ATG9B: variants seen among roughly 807,000 people sequenced by gnomAD.
ATG9B encodes the protein autophagy related 9B, also known as autophagy-related protein 9B.
ATG9B carries 92 observed loss-of-function variants against 92.9 expected under a neutral mutation model. That is an observed-to-expected ratio of 0.99 (90% CI 0.84 to 1.18). The LOEUF (loss-of-function observed/expected upper bound fraction) is 1.18. ATG9B is among the 50% of genes most tolerant of loss of function. The probability of loss-of-function intolerance (pLI) is 0.00; values close to 1 mark genes in which losing one functional copy is unlikely to be tolerated. For synonymous variants in ATG9B, 599 were observed against 551.4 expected (o/e 1.09, Z -1.21); for missense variants, 1,344 against 1,235.0 (o/e 1.09, Z -1.32).
At position 151,017,901 on chromosome 7, in the gene ATG9B, A is replaced by G. The variant is rs1319031879; in HGVS notation, c.2022T>C (p.Leu674=). 6.2e-7 allele frequency: 1 copy of G among 1,610,302 alleles called. No homozygotes were observed. ...GGTGTCCGTGGCGCTTCACATCCAT[A>G]AGGGCAAAGGAACAGATGTCCCCAA... ...AGVGDICSFA[L]MDVKRHGHPQ... The change falls in exon 8 of 14, where the codon CTT becomes CTC. Residue 674 remains leucine, a synonymous_variant. Coordinates refer to ENST00000639579, the MANE Select transcript of ATG9B (RefSeq NM_001317056.2).
chr7:151,012,714 A>C (rs1229804649), downstream of ATG9B: 4 of 462,246 alleles, frequency 8.7e-6, no homozygotes, highest in Non-Finnish European at 1.6e-5. Context: ...AGGAAAATAG[A>C]ATTTTCAAAG....
At chr7:151,022,382 T>C (rs1012742460) in intron 4 of ATG9B, among the ~76,000 whole-genome samples, 1 of 126,180 alleles carries the variant, frequency 7.9e-6, no homozygotes, top group South Asian at 2.2e-4. Flanking sequence ...GCAATCCTCC[T>C]GCCTCAGCCT....
chr7:151,013,942 G>A, downstream of ATG9B: 1 of 1,600,562 alleles, frequency 6.2e-7, no homozygotes, highest in Non-Finnish European at 8.5e-7. Flanking sequence ...GGCCGGGCCT[G>A]AGCGTGCGGG....
At chr7:151,019,494 C>T (rs1412189443) in intron 5 of ATG9B, 120 bp from the exon 6 acceptor site, 2 of 1,325,036 alleles carry the variant, frequency 1.5e-6, no homozygotes, top group Admixed American at 3.1e-5. Context: ...ATCACAAACT[C>T]GCCATGACCA....
At position 151,023,220 on chromosome 7, in the gene ATG9B, G is replaced by C. The variant is rs897435111; in HGVS notation, c.660-14C>G. On this transcript the variant is annotated splice_polypyrimidine_tract_variant and intron_variant, in intron 3 of 13. Transcript: ENST00000639579. The stretch of plus-strand genomic sequence containing the variant: ...AAAATAAATTGTCTGCCGGGAGGAA[G>C]GGGGGGTGCCGGGATGCTGCAGTGA... 3.7e-6 allele frequency: 6 copies of C among 1,612,920 alleles called. No individual in the cohort carries two copies. The African/African-American group carries it at 6.7e-5, about 18-fold the overall frequency.
downstream of ATG9B, chr7:151,014,974 A>C (rs1795421546): frequency 6.6e-6 from 1 of 152,154 alleles, no homozygotes. Context: ...GTGGTGGGGA[A>C]AGGGGTCATT....
chr7:151,022,682 C>G (rs1157878959), intron 4 of ATG9B, among the ~76,000 whole-genome samples: 1 of 151,638 alleles, frequency 6.6e-6, no homozygotes, highest in Admixed American at 6.6e-5. Flanking sequence ...AACCCTGTCT[C>G]TACTAAAAAT....
At chr7:151,014,126 C>T, downstream of ATG9B, 1 of 1,612,326 alleles carries the variant, frequency 6.2e-7, no homozygotes, top group Non-Finnish European at 8.5e-7. Context: ...GGCGCAGTGC[C>T]CTGGGCGTTC....
Position 151,018,870 on chromosome 7 carries a change from G to T in ATG9B, c.1468C>A (p.Arg490Ser). 1 of 1,364,670 alleles carries T rather than the reference G, an allele frequency of 7.3e-7. No homozygotes were observed. Among genetic ancestry groups the T allele is most frequent in the Middle Eastern group, 2.4e-4 (1 of 4,212 alleles). The allele number at this position is 1,364,670 out of a possible 1,614,324, so 84.5% of individuals were successfully genotyped here. A position where few individuals can be genotyped will look rare whatever the true frequency, so the allele number is the denominator to read the frequency against. ...TCGTGCGGCAGCTCGTTGAAGTGGC[G>T]CAGCTGCAAGCGCGCCAGGCGGGAC... is the stretch of plus-strand genomic sequence containing the variant. Reference protein sequence around the residue: ...GWSRLARLQLRHFNELPHELR... With the variant: ...GWSRLARLQLSHFNELPHELR... The change falls in exon 6 of 14, where the codon CGC becomes AGC. Residue 490 changes from arginine to serine, a missense_variant. Physicochemically the swap from Arg to Ser is moderately radical, Grantham distance 110 (BLOSUM62 -1). Coordinates refer to ENST00000639579, the MANE Select transcript of ATG9B (RefSeq NM_001317056.2). This position sits in a 1 kb window ranked among gnomAD's most constrained non-coding sequence, Gnocchi z 4.7.
downstream of ATG9B, chr7:151,014,235 G>A (rs1795390032): frequency 1.4e-6 from 2 of 1,470,834 alleles, no homozygotes; most frequent in Admixed American, 4.0e-5. Context: ...GCCCGACCAG[G>A]ATCAGCCCCG....
At chr7:151,014,133 G>C, downstream of ATG9B, 1 of 1,611,012 alleles carries the variant, frequency 6.2e-7, no homozygotes, top group Non-Finnish European at 8.5e-7. Context: ...TGCCCTGGGC[G>C]TTCGACCCTC....
At chr7:151,012,367 C>T (rs1563233840), downstream of ATG9B, 2 of 1,572,690 alleles carry the variant, frequency 1.3e-6, no homozygotes, top group Non-Finnish European at 1.7e-6. Flanking sequence ...CTCCTTCCGG[C>T]TGCCACCCGA....
rs773881475 is a variant in ATG9B, at chr7:151,017,147, C to T, written c.2178G>A (p.Lys726=). 1.9e-6 allele frequency: 3 copies of T among 1,613,042 alleles called. No individual in the cohort carries two copies. The highest frequency in any genetic ancestry group is 1.3e-5 in the African/African-American group (1 of 74,876). ...CTCGGCCCCAGAGGTGCCCAAGAAA[C>T]TTAGAGCTGTGCCCTGGGGGGCGCC... ...PLWRPPGHSS[K]FLGHLWGRVQ... Residue 726 remains lysine, a synonymous_variant, in exon 9 of 14, where the codon AAG becomes AAA. Coordinates refer to ENST00000639579, the MANE Select transcript of ATG9B (RefSeq NM_001317056.2).
At chr7:151,013,090 C>G (rs971482881), downstream of ATG9B, 1 of 902,870 alleles carries the variant, frequency 1.1e-6, no homozygotes, top group African/African-American at 1.7e-5. Context: ...TCTACACTCT[C>G]TTAGAGATGA....
rs1193968365 is a variant in ATG9B at position 151,019,220 on chromosome 7, T to C, written c.1118A>G (p.Asn373Ser). 13 of 1,544,698 alleles carry C rather than the reference T, an allele frequency of 8.4e-6. No homozygotes were observed. Among genetic ancestry groups the C allele is most frequent in the Non-Finnish European group, 1.1e-5 (13 of 1,150,444 alleles). Residue 373 changes from asparagine (N) to serine (S), a missense_variant, in exon 6 of 14, where the codon AAC becomes AGC. Asn to Ser is a conservative substitution (Grantham distance 46). Transcript: ENST00000639579. The stretch of plus-strand genomic sequence containing the variant: ...GCAGCGGGCCGGCAGCAGGCCTTTG[T>C]TGGCCAGCGCCACCTGGTAGTTGGT... ...RYTNYQVALA[N>S]KGLLPARCPL...
In ATG9B at chr7:151,024,213, C is replaced by T. The variant is rs753278109; in HGVS notation, c.211G>A (p.Ala71Thr). 9.7e-6 allele frequency: 14 copies of T among 1,439,772 alleles called. No homozygotes were observed. The highest frequency in any genetic ancestry group is 5.0e-5 in the Admixed American group (2 of 39,792). 89.2% of individuals were successfully genotyped at this position (1,439,772 alleles called of 1,614,324 possible). Residue 71 changes from alanine (A) to threonine (T), a missense_variant, in exon 1 of 14, where the codon GCA (alanine) becomes ACA (threonine). Ala to Thr is a moderately conservative substitution (Grantham distance 58, BLOSUM62 0). Coordinates refer to ENST00000639579, the MANE Select transcript of ATG9B (RefSeq NM_001317056.2). Reference sequence around the variant, plus strand: ...TGTAGCACTGAGCAAGGGGGCCCTGCGGTGGGAGGGGAAAATGAGGAGGGG... The same window carrying T: ...TGTAGCACTGAGCAAGGGGGCCCTGTGGTGGGAGGGGAAAATGAGGAGGGG... ...SSPSSFSPPT[A>T]GPPCSVLQGT...
chr7:151,016,292 C>T (rs1795479578), intron 11 of ATG9B, 57 bp from the exon 12 acceptor site: 4 of 1,475,640 alleles, frequency 2.7e-6, no homozygotes, highest in Non-Finnish European at 3.6e-6. Context: ...GGGCCAAGCA[C>T]CTGGGCTAGA....
At chr7:151,017,527 A>G (rs1795550553) in intron 8 of ATG9B, among the ~76,000 whole-genome samples, 1 of 152,152 alleles carries the variant, frequency 6.6e-6, no homozygotes, top group Non-Finnish European at 1.5e-5. Flanking sequence ...GCCTTGGTCC[A>G]GGCACCAGTC....
chr7:151,018,311 G>C lies in ATG9B; in HGVS notation c.1855C>G (p.Leu619Val). 6.3e-7 allele frequency: 1 copy of C among 1,575,072 alleles called. No homozygotes were observed. The highest frequency in any genetic ancestry group is 8.6e-7 in the Non-Finnish European group (1 of 1,166,836). ...RDRAYRQMAQ[L>V]LQYRAVSLLE... ...ACCCTCACCGCTCGGTACTGCAGCA[G>C]CTGCGCCATCTGCCGGTAGGCGCGG... Residue 619 changes from leucine to valine, a missense_variant, in exon 7 of 14, where the codon CTG (leucine) becomes GTG (valine). Coordinates refer to ENST00000639579, the MANE Select transcript of ATG9B (RefSeq NM_001317056.2). This position sits in a 1 kb window ranked among gnomAD's most constrained non-coding sequence, Gnocchi z 4.7.
Sources: allele counts gnomAD v4.1 joint callset (sites outside exome capture counted in the v4.1 genomes callset), GRCh38; gene constraint gnomAD v4.1.1; non-coding constraint Gnocchi (gnomAD v3.1); transcripts MANE v1.5; gene names NCBI Gene and HGNC (gene_info 2026-07-23, HGNC 2026-07-21).